IFT74: variants seen among roughly 807,000 people sequenced by gnomAD.
IFT74 encodes intraflagellar transport 74, also known as intraflagellar transport protein 74 homolog.
A neutral mutation model predicts 96.7 loss-of-function variants in IFT74; 92 were observed. That is an observed-to-expected ratio of 0.95 (90% CI 0.80 to 1.13). The LOEUF (loss-of-function observed/expected upper bound fraction) is 1.13, where lower values mean the gene tolerates loss of function less well. IFT74 is among the 50% of genes most tolerant of loss of function. The probability of loss-of-function intolerance (pLI) is 0.00; values close to 1 mark genes in which losing one functional copy is unlikely to be tolerated. For missense variants in IFT74, 811 were observed against 698.2 expected (o/e 1.16, Z -1.82); for synonymous variants, 223 against 213.2 (o/e 1.05, Z -0.40).
At position 26,962,013 on chromosome 9, in the gene IFT74, G is replaced by C; in HGVS notation, c.46G>C (p.Gly16Arg). The C allele has an allele frequency of 6.2e-7, 1 of 1,614,158 alleles. No individual in the cohort carries two copies. The highest frequency in any genetic ancestry group is 1.1e-5 in the South Asian group (1 of 91,080). ...KSSAARPVSR[G>R]GVGLTGRPPS... ...TTCAGCAGCTCGCCCTGTTTCAAGA[G>C]GTGGAGTTGGGTTAACAGGAAGGCC... Residue 16 changes from glycine to arginine, a missense_variant, in exon 2 of 20, where the codon GGT (glycine) becomes CGT (arginine). Gly to Arg is a moderately radical substitution (Grantham distance 125). Transcript: ENST00000380062.
At chr9:27,057,612 C>A (rs1215376520) in intron 18 of IFT74, among the ~76,000 whole-genome samples, 1 of 152,162 alleles carries the variant, frequency 6.6e-6, no homozygotes, top group Admixed American at 6.5e-5. Context: ...AATCCCAGCA[C>A]TTTGGGAGGC....
At chr9:26,965,124 T>C (rs999444278) in intron 2 of IFT74, among the ~76,000 whole-genome samples, 28 of 152,148 alleles carry the variant, frequency 1.8e-4, no homozygotes, top group Non-Finnish European at 1.5e-4. Context: ...TTTCAAGATA[T>C]TTCAGAAAAT....
intron 1 of IFT74, among the ~76,000 whole-genome samples, chr9:26,959,792 G>A (rs932972563): frequency 1.3e-5 from 2 of 152,154 alleles, no homozygotes; most frequent in Non-Finnish European, 2.9e-5. Flanking sequence ...TTAAGGGTGA[G>A]AATCATCAAG....
chr9:27,030,959 G>A (rs889567846), intron 13 of IFT74, among the ~76,000 whole-genome samples: 5 of 152,094 alleles, frequency 3.3e-5, no homozygotes, highest in Non-Finnish European at 7.4e-5. Flanking sequence ...TATCCTCAAG[G>A]CTTACTTCTA....
Position 26,978,268 on chromosome 9 carries a change from C to G in IFT74, c.256+5C>G, listed in dbSNP as rs1314559998. On this transcript the variant is annotated splice_donor_5th_base_variant and intron_variant, in intron 3 of 19. Coordinates refer to ENST00000380062, the MANE Select transcript of IFT74 (RefSeq NM_025103.4). The stretch of plus-strand genomic sequence containing the variant: ...GAATGAAAACTGGGACGAAAGGTAC[C>G]TATTTTAAGATAAGTATGACACTTG... 1.9e-6 allele frequency: 3 copies of G among 1,611,864 alleles called. No individual in the cohort carries two copies. The highest frequency in any genetic ancestry group is 3.4e-5 in the Admixed American group (2 of 59,306).
At chr9:26,947,286 C>G (rs1825769069) in intron 1 of IFT74, 1 of 520,558 alleles carries the variant, frequency 1.9e-6, no homozygotes, top group Non-Finnish European at 3.3e-6. Context: ...CCCTCCATGA[C>G]GCAGAGTGTG....
chr9:26,963,914 G>C (rs1024468672), intron 2 of IFT74, among the ~76,000 whole-genome samples: 1 of 152,130 alleles, frequency 6.6e-6, no homozygotes. Context: ...TTTGTAGGTT[G>C]CGTGTTCACT....
At chr9:26,962,114 T>G (rs781626080) in intron 2 of IFT74, 27 bp downstream of exon 2, 1 of 1,612,932 alleles carries the variant, frequency 6.2e-7, no homozygotes, top group Non-Finnish European at 8.5e-7. Flanking sequence ...TCTATTTACT[T>G]TGGGAGGCCA....
At chr9:26,978,094 G>A (rs760456798) in intron 2 of IFT74, 34 bp from the exon 3 acceptor site, 1 of 1,539,836 alleles carries the variant, frequency 6.5e-7, no homozygotes, top group South Asian at 1.3e-5. Context: ...GTTTTTTCTG[G>A]TTTACTAAAA....
intron 3 of IFT74, among the ~76,000 whole-genome samples, chr9:26,979,590 A>G (rs1330279559): frequency 6.6e-6 from 1 of 151,250 alleles, no homozygotes; most frequent in African/African-American, 2.4e-5. Context: ...ATAAGATACT[A>G]CCTCTACTTC....
rs1011832835 is a variant in IFT74, at chr9:27,017,109, G to GT, written c.933+67dup. ...CTGGTTTTGGTACATGTATTGATTT[G>GT]TTTTTTTTAAAGGGATATTAATGCA... is the stretch of plus-strand genomic sequence containing the variant. On this transcript the variant is annotated intron_variant, in intron 11 of 19. Transcript: ENST00000380062. 265 of 1,445,974 alleles carry GT rather than the reference G, an allele frequency of 1.8e-4. 1 individual carries two copies. Among genetic ancestry groups the GT allele is most frequent in the African/African-American group, 1.5e-3 (106 of 70,502 alleles). The allele number at this position is 1,445,974 out of a possible 1,614,324, so 89.6% of individuals were successfully genotyped here.
In IFT74 at chr9:27,063,582, C is replaced by A. The variant is rs1820518825; in HGVS notation, c.*846C>A. Among the ~76,000 whole-genome samples the A allele has an allele frequency of 6.6e-6, 1 of 152,058 alleles. No individual in the cohort carries two copies. The highest frequency in any genetic ancestry group is 6.6e-5 in the Admixed American group (1 of 15,258). On this transcript the variant is annotated 3_prime_UTR_variant, in exon 20 of 20. Transcript: ENST00000380062. The stretch of plus-strand genomic sequence containing the variant: ...TGTAGATGTATCTTCTCTTATCGTG[C>A]AGGAATGAGTCACCTTGGCCAGCAT...
intron 16 of IFT74, 76 bp downstream of exon 16, chr9:27,048,350 C>G (rs1819783483): frequency 9.6e-7 from 1 of 1,041,458 alleles, no homozygotes; most frequent in Admixed American, 3.1e-5. Flanking sequence ...ATTTTAAAGC[C>G]TCATTGACAG....
chr9:26,975,317 A>C lies in IFT74; in HGVS notation c.121-2811A>C, dbSNP rs532251676. Among the ~76,000 whole-genome samples, 6 of 152,210 alleles carry C rather than the reference A, an allele frequency of 3.9e-5. No homozygotes were observed. The East Asian group carries it at 1.2e-3, about 29-fold the overall frequency. Reference sequence around the variant, plus strand: ...AAAGGAGGACAGGTTCTTGCCTCCAAAAAAGAGCATAGTCTGTTTCCTTTT... The same window carrying C: ...AAAGGAGGACAGGTTCTTGCCTCCACAAAAGAGCATAGTCTGTTTCCTTTT... On this transcript the variant is annotated intron_variant, in intron 2 of 19. Transcript: ENST00000380062.
At chr9:27,002,507 T>C (rs1222653770) in intron 8 of IFT74, among the ~76,000 whole-genome samples, 2 of 152,230 alleles carry the variant, frequency 1.3e-5, no homozygotes, top group Admixed American at 1.3e-4. Flanking sequence ...TTTCCATATA[T>C]AGTTATGCAG....
rs751893169 is a variant in IFT74 at position 27,040,544 on chromosome 9, C to CAAAAAAAAA, written c.1055-4183_1055-4175dup. ...TGGGCAACAGAACGAGACACTGTCTCAAAAAAAAAAAAAAAAAAAAAAAGA... is the reference window on the plus strand; with the variant it reads ...TGGGCAACAGAACGAGACACTGTCTCAAAAAAAAAAAAAAAAAAAAAAAAAAAAAAAAGA... On this transcript the variant is annotated intron_variant, in intron 13 of 19. Coordinates refer to ENST00000380062, the MANE Select transcript of IFT74 (RefSeq NM_025103.4). Among the ~76,000 whole-genome samples the CAAAAAAAAA allele has an allele frequency of 1.9e-3, 119 of 62,074 alleles. 1 individual carries two copies. Among genetic ancestry groups the CAAAAAAAAA allele is most frequent in the African/African-American group, 4.8e-3 (86 of 17,782 alleles). The allele number at this position is 62,074 out of a possible 152,430, so 40.7% of individuals were successfully genotyped here. A position where few individuals can be genotyped will look rare whatever the true frequency, so the allele number is the denominator to read the frequency against.
chr9:26,988,666 T>C lies in IFT74; in HGVS notation c.466-3T>C. The C allele has an allele frequency of 6.5e-7, 1 of 1,545,626 alleles. No homozygotes were observed. Among genetic ancestry groups the C allele is most frequent in the Non-Finnish European group, 8.8e-7 (1 of 1,132,964 alleles). On this transcript the variant is annotated splice_polypyrimidine_tract_variant and splice_region_variant and intron_variant, in intron 6 of 19. Transcript: ENST00000380062. ...GTTTGTTTGTTTGTATTTTTGTTTT[T>C]AGTTGGTAGATAAACTTAATACCAA...
In IFT74 at chr9:27,062,011, A is replaced by C. The variant is rs185285051; in HGVS notation, c.1685-607A>C. 1.9e-4 allele frequency among the ~76,000 whole-genome samples: 29 copies of C among 152,292 alleles called. No homozygotes were observed. The East Asian group carries it at 5.2e-3, about 27-fold the overall frequency. On this transcript the variant is annotated intron_variant, in intron 19 of 19. Transcript: ENST00000380062. ...CCCATTCAAGGATGTCTCTGCCTGG[A>C]GAACTAGATCCTGACTCAGTGGCAG...
intron 16 of IFT74, among the ~76,000 whole-genome samples, chr9:27,049,118 G>A (rs1357317046): frequency 6.6e-6 from 1 of 152,118 alleles, no homozygotes; most frequent in East Asian, 1.9e-4. Context: ...TTTGCCTTCT[G>A]TCATGATTGT....
Sources: allele counts gnomAD v4.1 joint callset (sites outside exome capture counted in the v4.1 genomes callset), GRCh38; gene constraint gnomAD v4.1.1; transcripts MANE v1.5; gene names NCBI Gene and HGNC (gene_info 2026-07-23, HGNC 2026-07-21).